Variants in UIMC1 observed in about 807,000 individuals in gnomAD.
UIMC1 encodes ubiquitin interaction motif containing 1.
UIMC1 carries 42 observed loss-of-function variants against 84.9 expected under a neutral mutation model. That is an observed-to-expected ratio of 0.49 (90% CI 0.39 to 0.64). The LOEUF is 0.64. UIMC1 is among the 30% of genes least tolerant of loss of function. The probability of loss-of-function intolerance (pLI) is 0.00; values close to 1 mark genes in which losing one functional copy is unlikely to be tolerated. For missense variants in UIMC1, 825 were observed against 847.6 expected (o/e 0.97, Z 0.33); for synonymous variants, 281 against 293.0 (o/e 0.96, Z 0.42).
chr5:177,004,257 G>A (rs7705882), intron 1 of UIMC1, among the ~76,000 whole-genome samples: 20,078 of 152,172 alleles, frequency 0.13, 1,684 homozygotes, highest in East Asian at 0.19. Flanking sequence ...AATCACAGCA[G>A]ATGATGGATC....
chr5:176,971,011 C>T (rs1281570394), intron 3 of UIMC1, 145 bp from the exon 4 acceptor site: 1 of 1,183,048 alleles, frequency 8.5e-7, no homozygotes, highest in Non-Finnish European at 1.1e-6. Flanking sequence ...ATGAGGAAAA[C>T]CCCAGAAGGA....
chr5:176,943,351 C>T lies in UIMC1; in HGVS notation c.1581G>A (p.Leu527=). The change falls in exon 10 of 15, where the codon CTG becomes CTA. Residue 527 remains leucine, a synonymous_variant. Coordinates refer to ENST00000511320, the MANE Select transcript of UIMC1 (RefSeq NM_001199298.2). ...IERHAMYCNG[L]MEEDTVLTRR... ...GGTCTTTACCTGTATCTTCCTCCAT[C>T]AGACCATTGCAGTACATGGCATGTC... 6.2e-7 allele frequency: 1 copy of T among 1,613,976 alleles called. No individual in the cohort carries two copies. The highest frequency in any genetic ancestry group is 8.5e-7 in the Non-Finnish European group (1 of 1,179,966).
rs552340116 is a variant in UIMC1, at chr5:176,989,385, C to T, written c.-8-6762G>A. Among the ~76,000 whole-genome samples, 29 of 152,200 alleles carry T rather than the reference C, an allele frequency of 1.9e-4. No individual in the cohort carries two copies. In the East Asian group the frequency reaches 2.3e-3, roughly 12 times the overall value. Reference sequence around the variant, plus strand: ...TACAAAGATGAAAAAATTAGCCAGGCGCAGTGGCTCAAGTCTGTAATCCCA... The same window carrying T: ...TACAAAGATGAAAAAATTAGCCAGGTGCAGTGGCTCAAGTCTGTAATCCCA... On this transcript the variant is annotated intron_variant, in intron 1 of 14. Transcript: ENST00000511320.
intron 10 of UIMC1, among the ~76,000 whole-genome samples, chr5:176,928,993 C>T (rs1305168187): frequency 6.6e-6 from 1 of 152,046 alleles, no homozygotes; most frequent in Non-Finnish European, 1.5e-5. Context: ...GTGGCTTACA[C>T]CTGTAATCCC....
At chr5:176,906,415 A>C (rs1430471774) in intron 13 of UIMC1, among the ~76,000 whole-genome samples, 1 of 152,234 alleles carries the variant, frequency 6.6e-6, no homozygotes, top group East Asian at 1.9e-4. Flanking sequence ...CAGAAGGCAC[A>C]ACAGATTTGC....
intron 3 of UIMC1, among the ~76,000 whole-genome samples, chr5:176,974,700 T>A (rs1769781476): frequency 6.6e-6 from 1 of 151,774 alleles, no homozygotes; most frequent in South Asian, 2.1e-4. Context: ...TAGGCCCATA[T>A]ACTCAGGAGG....
At chr5:176,963,157 T>TAAAAAAAAAAAAAAAA (rs70991588) in intron 6 of UIMC1, among the ~76,000 whole-genome samples, 6 of 13,962 alleles carry the variant, frequency 4.3e-4, no homozygotes, top group East Asian at 1.9e-3. Flanking sequence ...AAAAATAAAT[T>TAAAAAAAAAAAAAAAA]AAAAAAAAAA....
rs2940538 is a variant in UIMC1, at chr5:176,915,680, T to G, written c.1598-4291A>C. Reference sequence around the variant, plus strand: ...CATCTTGGGCAGGCTGGTCTTGAACTCCTGACCTTGTGATCCACCCACCGC... The same window carrying G: ...CATCTTGGGCAGGCTGGTCTTGAACGCCTGACCTTGTGATCCACCCACCGC... On this transcript the variant is annotated intron_variant, in intron 10 of 14. Transcript: ENST00000511320. Among the ~76,000 whole-genome samples the G allele has an allele frequency of 6.6e-3, 995 of 150,356 alleles. 4 individuals carry two copies. Among genetic ancestry groups the G allele is most frequent in the Non-Finnish European group, 0.012 (793 of 67,784 alleles).
At chr5:177,000,661 C>T (rs1236984128) in intron 1 of UIMC1, among the ~76,000 whole-genome samples, 3 of 151,780 alleles carry the variant, frequency 2.0e-5, no homozygotes, top group Admixed American at 6.6e-5. Flanking sequence ...CCACCACGCC[C>T]GGCTAATTTT....
At chr5:176,928,137 C>T (rs945729446) in intron 10 of UIMC1, among the ~76,000 whole-genome samples, 5 of 152,184 alleles carry the variant, frequency 3.3e-5, no homozygotes, top group African/African-American at 4.8e-5. Context: ...AGGTACCACG[C>T]TCAGCCTAGC....
chr5:176,920,596 G>A lies in UIMC1; in HGVS notation c.1598-9207C>T, dbSNP rs556721969. Among the ~76,000 whole-genome samples the A allele has an allele frequency of 3.3e-4, 50 of 152,238 alleles. 1 individual carries two copies. The highest frequency in any genetic ancestry group is 1.1e-3 in the African/African-American group (46 of 41,542). On this transcript the variant is annotated intron_variant, in intron 10 of 14. Transcript: ENST00000511320. ...CACTTTCAGATTGTTCACTGCTAGT[G>A]TACAAAAATACAGTTCATTTTCTAT... is the stretch of plus-strand genomic sequence containing the variant.
intron 1 of UIMC1, among the ~76,000 whole-genome samples, chr5:176,987,497 A>G (rs1431808101): frequency 2.0e-5 from 3 of 151,784 alleles, no homozygotes; most frequent in Non-Finnish European, 4.4e-5. Context: ...AAATAAAAAT[A>G]AAAAAACTAG....
intron 10 of UIMC1, among the ~76,000 whole-genome samples, chr5:176,929,410 C>CA (rs1762809922): frequency 7.2e-6 from 1 of 138,404 alleles, no homozygotes; most frequent in Admixed American, 7.2e-5. Flanking sequence ...AAAAAAAATA[C>CA]AAAAAAATTA....
rs78630314 is a variant in UIMC1 at position 176,997,000 on chromosome 5, C to A, written c.-9+9650G>T. ...CAATAGGCCCAAGCTTCCTACATAA[C>A]CCTGCTCAGCGGGATCTATGTGCAC... On this transcript the variant is annotated intron_variant, in intron 1 of 14. Coordinates refer to ENST00000511320, the MANE Select transcript of UIMC1 (RefSeq NM_001199298.2). Among the ~76,000 whole-genome samples, 1,388 of 152,204 alleles carry A rather than the reference C, an allele frequency of 9.1e-3. 8 individuals carry two copies. The highest frequency in any genetic ancestry group is 0.025 in the South Asian group (121 of 4,824).
chr5:176,921,547 C>T (rs574543335), intron 10 of UIMC1, among the ~76,000 whole-genome samples: 1 of 152,326 alleles, frequency 6.6e-6, no homozygotes, highest in South Asian at 2.1e-4. Flanking sequence ...TCTCAAACAA[C>T]GAAGTCATCA....
At chr5:176,965,441 G>A (rs1768146798) in intron 6 of UIMC1, among the ~76,000 whole-genome samples, 2 of 151,106 alleles carry the variant, frequency 1.3e-5, no homozygotes, top group Non-Finnish European at 3.0e-5. Context: ...AAAAACTTCT[G>A]AGATACCTCG....
chr5:176,928,526 C>T (rs1469552443), intron 10 of UIMC1, among the ~76,000 whole-genome samples: 1 of 152,040 alleles, frequency 6.6e-6, no homozygotes, highest in East Asian at 1.9e-4. Flanking sequence ...TAAAAGAGCC[C>T]GAGACATTAG....
Position 176,971,802 on chromosome 5 carries a change from G to A in UIMC1, c.233-936C>T, listed in dbSNP as rs934919525. ...TGGGTGCCTGTAATCCCAGCTACTT[G>A]GGAAGCTGAGGGAGGAGAATCACTT... On this transcript the variant is annotated intron_variant, in intron 3 of 14. Coordinates refer to ENST00000511320, the MANE Select transcript of UIMC1 (RefSeq NM_001199298.2). Among the ~76,000 whole-genome samples the A allele has an allele frequency of 3.2e-4, 49 of 151,738 alleles. 1 individual carries two copies. Among genetic ancestry groups the A allele is most frequent in the African/African-American group, 1.1e-3 (47 of 41,350 alleles).
intron 13 of UIMC1, 125 bp from the exon 14 acceptor site, chr5:176,906,172 T>TC: frequency 1.2e-6 from 1 of 826,134 alleles, no homozygotes; most frequent in Non-Finnish European, 1.9e-6. Context: ...GTAGCACAGA[T>TC]CCCCAATCCC....
Sources: allele counts gnomAD v4.1 joint callset (sites outside exome capture counted in the v4.1 genomes callset), GRCh38; gene constraint gnomAD v4.1.1; transcripts MANE v1.5; gene names NCBI Gene and HGNC (gene_info 2026-07-23, HGNC 2026-07-21).